SPAG16: variants seen among roughly 807,000 people sequenced by gnomAD.
The protein encoded by SPAG16 is sperm associated antigen 16.
SPAG16 carries 86 observed loss-of-function variants against 80.4 expected under a neutral mutation model. That is an observed-to-expected ratio of 1.07 (90% CI 0.90 to 1.28). The LOEUF (loss-of-function observed/expected upper bound fraction) is 1.28, where lower values mean the gene tolerates loss of function less well. Ranked by LOEUF, SPAG16 falls within the 50% of genes most tolerant of loss-of-function variation. SPAG16 has a pLI of 0.00. For missense variants in SPAG16, 870 were observed against 765.3 expected, an observed-to-expected ratio of 1.14 and a Z score of -1.61; for synonymous variants, 294 against 265.9, an observed-to-expected ratio of 1.11 and a Z score of -1.03.
At chr2:213,641,056 G>C (rs1221999607) in intron 10 of SPAG16, among the ~76,000 whole-genome samples, 6 of 152,162 alleles carry the variant, frequency 3.9e-5, no homozygotes, top group Admixed American at 2.0e-4. Flanking sequence ...CAAACCATCA[G>C]GTCGGGGCAG....
chr2:213,877,679 G>A (rs1169791668), intron 11 of SPAG16, among the ~76,000 whole-genome samples: 6 of 152,070 alleles, frequency 3.9e-5, no homozygotes, highest in Non-Finnish European at 5.9e-5. Context: ...GAGAGGATGA[G>A]GATACCATAA....
chr2:213,748,597 A>G (rs2067941134), intron 10 of SPAG16, among the ~76,000 whole-genome samples: 2 of 152,274 alleles, frequency 1.3e-5, no homozygotes, highest in East Asian at 3.9e-4. Flanking sequence ...TTTTATGTAT[A>G]TCATTCATTA....
At chr2:213,841,066 T>C (rs957128552) in intron 10 of SPAG16, among the ~76,000 whole-genome samples, 5 of 152,214 alleles carry the variant, frequency 3.3e-5, no homozygotes, top group Non-Finnish European at 7.4e-5. Flanking sequence ...ATATAGCATT[T>C]CTATTCCTGC....
chr2:213,573,445 A>G (rs1349802258), intron 10 of SPAG16, among the ~76,000 whole-genome samples: 3 of 152,236 alleles, frequency 2.0e-5, no homozygotes, highest in African/African-American at 7.2e-5. Context: ...AATTGCATTA[A>G]TCTGTACATG....
intron 10 of SPAG16, among the ~76,000 whole-genome samples, chr2:213,837,312 A>G (rs12997208): frequency 0.26 from 39,075 of 152,174 alleles, 5,413 homozygotes; most frequent in Middle Eastern, 0.38. Flanking sequence ...TATAAAAGGA[A>G]TTCTTTTTGT....
At chr2:213,826,278 A>G (rs551614866) in intron 10 of SPAG16, among the ~76,000 whole-genome samples, 2 of 149,794 alleles carry the variant, frequency 1.3e-5, no homozygotes, top group African/African-American at 4.9e-5. Flanking sequence ...TATTTATTTT[A>G]TTATTCTAAC....
At chr2:213,361,382 A>G (rs374805250) in intron 7 of SPAG16, among the ~76,000 whole-genome samples, 6 of 137,360 alleles carry the variant, frequency 4.4e-5, no homozygotes, top group African/African-American at 2.5e-5. Context: ...GTGTGTGTAT[A>G]TATATATATA....
At chr2:214,407,348 T>C (rs1702049832) in intron 15 of SPAG16, among the ~76,000 whole-genome samples, 1 of 152,074 alleles carries the variant, frequency 6.6e-6, no homozygotes, top group Non-Finnish European at 1.5e-5. Flanking sequence ...TAATAAAAGA[T>C]TTAAAGTAAA....
At chr2:214,377,780 A>G (rs1437716142) in intron 15 of SPAG16, among the ~76,000 whole-genome samples, 1 of 152,186 alleles carries the variant, frequency 6.6e-6, no homozygotes, top group Non-Finnish European at 1.5e-5. Flanking sequence ...GACCACAAAG[A>G]TCTCTCTTAG....
chr2:214,030,054 G>T (rs1382212535), intron 13 of SPAG16, among the ~76,000 whole-genome samples: 1 of 152,022 alleles, frequency 6.6e-6, no homozygotes, highest in Non-Finnish European at 1.5e-5. Context: ...TTAACTTTAG[G>T]CACTCTTGTA....
chr2:214,067,121 T>G (rs2125207935), intron 13 of SPAG16, among the ~76,000 whole-genome samples: 1 of 152,196 alleles, frequency 6.6e-6, no homozygotes, highest in Non-Finnish European at 1.5e-5. Context: ...TCACATTAAC[T>G]TTTCAGCTTT....
chr2:213,544,434 A>G (rs1354664459), intron 10 of SPAG16, among the ~76,000 whole-genome samples: 1 of 151,900 alleles, frequency 6.6e-6, no homozygotes, highest in Admixed American at 6.6e-5. Flanking sequence ...TATATCCCAT[A>G]CCCCCACACG....
chr2:213,762,820 G>A (rs893070314), intron 10 of SPAG16, among the ~76,000 whole-genome samples: 1 of 152,120 alleles, frequency 6.6e-6, no homozygotes, highest in Non-Finnish European at 1.5e-5. Context: ...TACAACAAAG[G>A]AAGCAATCCA....
chr2:213,329,851 C>T (rs1350197172), intron 5 of SPAG16, among the ~76,000 whole-genome samples: 3 of 152,172 alleles, frequency 2.0e-5, no homozygotes, highest in Non-Finnish European at 2.9e-5. Context: ...TAGGGTCCCT[C>T]TGCTGTGTGC....
At chr2:214,056,250 A>T (rs2049936118) in intron 13 of SPAG16, among the ~76,000 whole-genome samples, 1 of 150,632 alleles carries the variant, frequency 6.6e-6, no homozygotes, top group African/African-American at 2.4e-5. Flanking sequence ...AAATGTCTTG[A>T]ATTTTTTTTT....
intron 10 of SPAG16, among the ~76,000 whole-genome samples, chr2:213,769,333 GTA>G (rs1390251953): frequency 6.6e-6 from 1 of 152,150 alleles, no homozygotes; most frequent in East Asian, 1.9e-4. Flanking sequence ...GTTGAAGGTA[GTA>G]CATCCTTAGT....
Position 213,672,584 on chromosome 2 carries a change from G to A in SPAG16, c.1070+182494G>A, listed in dbSNP as rs547842854. ...GCTGTTCTTCAAGAGCTCTATATTT[G>A]TACCTCTTTGCTTTTCTATTTTATT... is the stretch of plus-strand genomic sequence containing the variant. On this transcript the variant is annotated intron_variant, in intron 10 of 15. Coordinates refer to ENST00000331683, the MANE Select transcript of SPAG16 (RefSeq NM_024532.5). 2.0e-5 allele frequency among the ~76,000 whole-genome samples: 3 copies of A among 151,950 alleles called. No individual in the cohort carries two copies. The East Asian group carries it at 5.8e-4, about 29-fold the overall frequency.
intron 10 of SPAG16, among the ~76,000 whole-genome samples, chr2:213,725,690 G>T (rs2066737114): frequency 6.6e-6 from 1 of 152,242 alleles, no homozygotes; most frequent in African/African-American, 2.4e-5. Context: ...AGATATGTCT[G>T]CAATGAGGGG....
chr2:213,484,209 A>G (rs1294473990), intron 9 of SPAG16, among the ~76,000 whole-genome samples: 1 of 152,232 alleles, frequency 6.6e-6, no homozygotes, highest in Admixed American at 6.5e-5. Context: ...CTAATTAGAT[A>G]CTTGAGGAGT....
Sources: allele counts gnomAD v4.1 joint callset (sites outside exome capture counted in the v4.1 genomes callset), GRCh38; gene constraint gnomAD v4.1.1; transcripts MANE v1.5; gene names NCBI Gene and HGNC (gene_info 2026-07-23, HGNC 2026-07-21).